The following RELN variants were observed in gnomAD, a reference collection of about 807,000 sequenced individuals.
The protein encoded by RELN is reelin.
RELN carries 108 observed loss-of-function variants against 427.6 expected under a neutral mutation model. That is an observed-to-expected ratio of 0.25 (90% CI 0.22 to 0.30). The LOEUF (loss-of-function observed/expected upper bound fraction) is 0.30. Among genes scored for constraint, RELN ranks in the 10% least tolerant of loss-of-function variants. The probability of loss-of-function intolerance (pLI) is 1.00; values close to 1 mark genes in which losing one functional copy is unlikely to be tolerated. For synonymous variants in RELN, 1,524 were observed against 1,513.4 expected (o/e 1.01, Z -0.16); for missense variants, 3,715 against 4,302.8 (o/e 0.86, Z 3.82).
At chr7:103,837,395 C>G (rs1262239151) in intron 2 of RELN, among the ~76,000 whole-genome samples, 1 of 152,208 alleles carries the variant, frequency 6.6e-6, no homozygotes, top group Non-Finnish European at 1.5e-5. Flanking sequence ...CTTTGTGAAC[C>G]AGCAATGCCA....
chr7:103,751,013 T>A (rs914436218), intron 5 of RELN, among the ~76,000 whole-genome samples: 5 of 152,230 alleles, frequency 3.3e-5, no homozygotes, highest in African/African-American at 1.2e-4. Context: ...GGCTACGGTG[T>A]AAGTGTGCTT....
chr7:103,577,856 T>C (rs1271234415), intron 28 of RELN, among the ~76,000 whole-genome samples: 3 of 152,154 alleles, frequency 2.0e-5, no homozygotes, highest in African/African-American at 7.2e-5. Flanking sequence ...GTTTCTATGA[T>C]AGAACCCAGA....
chr7:103,912,567 C>T (rs1795393991), intron 2 of RELN, among the ~76,000 whole-genome samples: 2 of 151,920 alleles, frequency 1.3e-5, no homozygotes, highest in South Asian at 2.1e-4. Context: ...TAGAAAATTA[C>T]AAGAGTTTAA....
chr7:103,555,175 G>C (rs2711868), intron 38 of RELN, among the ~76,000 whole-genome samples: 2,583 of 152,192 alleles, frequency 0.017, 64 homozygotes, highest in African/African-American at 0.058. Flanking sequence ...AACGGCAAAA[G>C]CCAGGCTGCT....
At chr7:103,773,164 C>CTT (rs1228252567) in intron 4 of RELN, among the ~76,000 whole-genome samples, 21 of 106,322 alleles carry the variant, frequency 2.0e-4, no homozygotes, top group South Asian at 1.6e-3. Flanking sequence ...TTCTTTCTTT[C>CTT]TTTTTCTTTC....
intron 31 of RELN, among the ~76,000 whole-genome samples, chr7:103,570,268 T>C (rs1358327445): frequency 1.3e-5 from 2 of 152,210 alleles, no homozygotes; most frequent in Non-Finnish European, 2.9e-5. Flanking sequence ...GATAAGCAGA[T>C]GCTTTCTTTT....
At chr7:103,582,279 T>G (rs541874304) in intron 28 of RELN, among the ~76,000 whole-genome samples, 43 of 152,206 alleles carry the variant, frequency 2.8e-4, no homozygotes, top group Non-Finnish European at 5.4e-4. Flanking sequence ...GAAAATTTGT[T>G]AAGCATTTGT....
chr7:103,475,000 T>C (rs1000928987), intron 64 of RELN, among the ~76,000 whole-genome samples: 1 of 152,192 alleles, frequency 6.6e-6, no homozygotes, highest in East Asian at 1.9e-4. Flanking sequence ...CTCTTATCTA[T>C]GGAGCAACAG....
chr7:103,769,667 C>T (rs1265042390), intron 4 of RELN, among the ~76,000 whole-genome samples: 2 of 152,176 alleles, frequency 1.3e-5, no homozygotes, highest in African/African-American at 4.8e-5. Flanking sequence ...AAAAAGTAGC[C>T]TCTGACATCC....
At chr7:103,759,143 T>C (rs1025435907) in intron 4 of RELN, among the ~76,000 whole-genome samples, 2 of 152,078 alleles carry the variant, frequency 1.3e-5, no homozygotes, top group African/African-American at 4.8e-5. Context: ...TTTTAAAAAA[T>C]TCAACTGTAC....
chr7:103,978,756 A>G (rs1034946252), intron 1 of RELN, among the ~76,000 whole-genome samples: 2 of 152,250 alleles, frequency 1.3e-5, no homozygotes, highest in African/African-American at 4.8e-5. Flanking sequence ...CTCTATGTTT[A>G]AAATATTTCG....
chr7:103,542,977 A>G, intron 42 of RELN, 99 bp from the exon 43 acceptor site: 5 of 1,139,014 alleles, frequency 4.4e-6, no homozygotes, highest in Non-Finnish European at 6.3e-6. Context: ...TGTAGTTTCA[A>G]AATATGAAGT....
At chr7:103,864,985 G>T (rs548291612) in intron 2 of RELN, among the ~76,000 whole-genome samples, 1 of 151,708 alleles carries the variant, frequency 6.6e-6, no homozygotes, top group Admixed American at 6.6e-5. Flanking sequence ...ATAAAAATTA[G>T]CCAGGCATGG....
intron 24 of RELN, among the ~76,000 whole-genome samples, chr7:103,600,845 TTTA>T (rs1225119454): frequency 6.6e-6 from 1 of 152,212 alleles, no homozygotes; most frequent in East Asian, 1.9e-4. Flanking sequence ...AAATTTGGAA[TTTA>T]TTGTCATAAA....
At chr7:103,538,942 C>A in intron 45 of RELN, 136 bp downstream of exon 45, 1 of 918,580 alleles carries the variant, frequency 1.1e-6, no homozygotes. Context: ...TTCAAGAGTA[C>A]AGTGTGGTTT....
At chr7:103,589,174 A>G (rs527937585) in intron 28 of RELN, among the ~76,000 whole-genome samples, 1 of 152,316 alleles carries the variant, frequency 6.6e-6, no homozygotes, top group South Asian at 2.1e-4. Flanking sequence ...TTTTTGATCA[A>G]CCTCATCAGA....
intron 2 of RELN, among the ~76,000 whole-genome samples, chr7:103,897,567 T>G (rs1387912397): frequency 6.6e-6 from 1 of 152,070 alleles, no homozygotes; most frequent in African/African-American, 2.4e-5. Context: ...AGAAGAGAGT[T>G]GTTTATATAC....
Position 103,728,183 on chromosome 7 carries a change from A to C in RELN, c.681T>G (p.Thr227=). The change falls in exon 7 of 65, where the codon ACT becomes ACG. Residue 227 remains threonine, a synonymous_variant. Transcript: ENST00000428762. ...GCATAATCGCGCCACACTGTTCTCC[A>C]GTCTCACAGTTGTTACATTCAACCC... is the stretch of plus-strand genomic sequence containing the variant. ...NIWVECNNCE[T]GEQCGAIMHG... 6.2e-7 allele frequency: 1 copy of C among 1,613,850 alleles called. No individual in the cohort carries two copies. Among genetic ancestry groups the C allele is most frequent in the South Asian group, 1.1e-5 (1 of 91,088 alleles).
chr7:103,864,946 T>C (rs1171984511), intron 2 of RELN, among the ~76,000 whole-genome samples: 2 of 151,160 alleles, frequency 1.3e-5, no homozygotes, highest in Non-Finnish European at 3.0e-5. Context: ...AAGAAATAAA[T>C]TCTGTGAAAT....
Sources: allele counts gnomAD v4.1 joint callset (sites outside exome capture counted in the v4.1 genomes callset), GRCh38; gene constraint gnomAD v4.1.1; transcripts MANE v1.5; gene names NCBI Gene and HGNC (gene_info 2026-07-23, HGNC 2026-07-21).